Variants in CAST observed in about 807,000 individuals in gnomAD.
CAST encodes the protein calpastatin, also known as MIR583 host.
In CAST, 76 loss-of-function variants were observed where a neutral mutation model predicts 119.6. The observed-to-expected ratio is 0.64, with a 90% CI of 0.53 to 0.77. The LOEUF is 0.77. Among genes scored for constraint, CAST ranks in the 30% least tolerant of loss-of-function variants. The pLI, the probability that CAST is intolerant of heterozygous loss-of-function variation, is 0.00. For synonymous variants in CAST, 319 were observed against 331.6 expected, an observed-to-expected ratio of 0.96 and a Z score of 0.41; for missense variants, 953 against 946.5, an observed-to-expected ratio of 1.01 and a Z score of -0.09.
chr5:96,469,361 G>A, the CAST span, among the ~76,000 whole-genome samples: 1 of 152,000 alleles, frequency 6.6e-6, no homozygotes, highest in African/African-American at 2.4e-5. Flanking sequence ...GTTTTGTTCA[G>A]TGGGATGGTT....
chr5:96,547,988 T>TAA lies in CAST; in HGVS notation c.60+18109_60+18110dup, dbSNP rs1746049926. Among the ~76,000 whole-genome samples, 8 of 152,168 alleles carry TAA rather than the reference T, an allele frequency of 5.3e-5. No homozygotes were observed. In the South Asian group the frequency reaches 1.7e-3, roughly 32 times the overall value. On this transcript the variant is annotated intron_variant, in intron 1 of 11. Transcript: ENST00000505143. ...AAAAACTGGGCAAATAAATACAATG[T>TAA]AAGTCTTTGAGCCAACTTGAGCTAA... is the stretch of plus-strand genomic sequence containing the variant.
chr5:96,120,707 G>A, the CAST span, among the ~76,000 whole-genome samples: 1 of 146,950 alleles, frequency 6.8e-6, no homozygotes, highest in African/African-American at 2.5e-5. Context: ...AATGTGCCAA[G>A]CATTATTATA....
chr5:96,438,579 T>G, the CAST span, among the ~76,000 whole-genome samples: 1 of 152,166 alleles, frequency 6.6e-6, no homozygotes, highest in Admixed American at 6.5e-5. Context: ...TTGGTTTGTC[T>G]GGTGTTTTCT....
chr5:96,399,982 A>G, the CAST span: 3 of 1,614,076 alleles, frequency 1.9e-6, no homozygotes, highest in Non-Finnish European at 2.5e-6. Flanking sequence ...CCTTTACAAC[A>G]CACTCTTTCT....
chr5:96,456,356 C>T, the CAST span, among the ~76,000 whole-genome samples: 6 of 152,132 alleles, frequency 3.9e-5, no homozygotes, highest in South Asian at 2.1e-4. Flanking sequence ...CACATTGTGA[C>T]GCATGCTATC....
intron 2 of CAST, among the ~76,000 whole-genome samples, chr5:96,692,402 TGATG>T (rs1752828966): frequency 1.3e-5 from 2 of 152,176 alleles, no homozygotes; most frequent in Admixed American, 6.5e-5. Context: ...TGGAAGAAAC[TGATG>T]ATCCCAAACT....
At chr5:96,651,214 T>G (rs1198183485) in intron 1 of CAST, among the ~76,000 whole-genome samples, 1 of 152,194 alleles carries the variant, frequency 6.6e-6, no homozygotes, top group African/African-American at 2.4e-5. Context: ...AACAAAGCAC[T>G]GTCTAGTTAG....
chr5:96,036,408 A>C, the CAST span, among the ~76,000 whole-genome samples: 2 of 152,098 alleles, frequency 1.3e-5, no homozygotes, highest in Non-Finnish European at 2.9e-5. Flanking sequence ...TGAGACCTCT[A>C]TATTATACAT....
the CAST span, among the ~76,000 whole-genome samples, chr5:96,396,765 CTG>C: frequency 2.6e-5 from 4 of 151,926 alleles, no homozygotes; most frequent in African/African-American, 9.7e-5. Context: ...ATTTTTGTGA[CTG>C]TGTGTTAAAA....
intron 1 of CAST, among the ~76,000 whole-genome samples, chr5:96,561,786 G>GTTTTTTTT (rs1554067776): frequency 3.8e-5 from 4 of 105,428 alleles, no homozygotes; most frequent in Non-Finnish European, 7.5e-5. Flanking sequence ...TTATATATAT[G>GTTTTTTTT]TTTTTTTTTG....
At chr5:96,116,830 T>G in the CAST span, among the ~76,000 whole-genome samples, 1 of 152,256 alleles carries the variant, frequency 6.6e-6, no homozygotes, top group East Asian at 1.9e-4. Flanking sequence ...GTATTCTGGA[T>G]TCAAGCTCTT....
chr5:96,376,461 GA>G, the CAST span, among the ~76,000 whole-genome samples: 9 of 149,096 alleles, frequency 6.0e-5, no homozygotes, highest in African/African-American at 2.0e-4. Context: ...ATTTTTTTGA[GA>G]CAGAGTCTCG....
At chr5:96,027,150 C>T in the CAST span, among the ~76,000 whole-genome samples, 28 of 152,082 alleles carry the variant, frequency 1.8e-4, no homozygotes, top group African/African-American at 6.8e-4. Flanking sequence ...TACTGTACTC[C>T]ACAGCCTGGA....
chr5:96,067,300 T>A, the CAST span, among the ~76,000 whole-genome samples: 1 of 152,214 alleles, frequency 6.6e-6, no homozygotes, highest in Non-Finnish European at 1.5e-5. Context: ...ATTTTATAGG[T>A]GTAGGAAATC....
chr5:96,032,389 A>G, the CAST span, among the ~76,000 whole-genome samples: 1 of 152,006 alleles, frequency 6.6e-6, no homozygotes, highest in Non-Finnish European at 1.5e-5. Context: ...CAAAAAGATC[A>G]GTTCAGTTCT....
chr5:96,111,003 A>G, the CAST span: 1 of 152,308 alleles, frequency 6.6e-6, no homozygotes, highest in Non-Finnish European at 1.5e-5. Context: ...TCTGACACCC[A>G]AGGTGAGTGC....
At chr5:96,380,803 T>C in the CAST span, among the ~76,000 whole-genome samples, 4 of 152,228 alleles carry the variant, frequency 2.6e-5, no homozygotes, top group Admixed American at 6.5e-5. Flanking sequence ...ATTTGGAACA[T>C]TTGCATAACT....
chr5:96,165,932 A>G, the CAST span, among the ~76,000 whole-genome samples: 2 of 152,220 alleles, frequency 1.3e-5, no homozygotes, highest in African/African-American at 4.8e-5. Context: ...ACACTTTCAC[A>G]TTTAATTTAC....
chr5:96,155,975 A>G, the CAST span, among the ~76,000 whole-genome samples: 1 of 152,208 alleles, frequency 6.6e-6, no homozygotes, highest in African/African-American at 2.4e-5. Context: ...GCCCTGCAAT[A>G]GCAGAGGACA....
Sources: gnomAD v4.1 joint callset for allele counts (sites outside exome capture counted in the v4.1 genomes callset) on GRCh38, gnomAD v4.1.1 for gene constraint, MANE v1.5 for transcripts, NCBI Gene and HGNC (gene_info 2026-07-23, HGNC 2026-07-21) for gene names.